The following CUL5 variants were observed in gnomAD, a reference collection of about 807,000 sequenced individuals.
CUL5 encodes cullin-5.
A neutral mutation model predicts 108.8 loss-of-function variants in CUL5; 26 were observed. The ratio of observed to expected loss-of-function variants is 0.24; its 90% confidence interval spans 0.18 to 0.33. The LOEUF is 0.33. Among genes scored for constraint, CUL5 ranks in the 10% least tolerant of loss-of-function variants. The probability of loss-of-function intolerance (pLI) is 1.00; values close to 1 mark genes in which losing one functional copy is unlikely to be tolerated. For missense variants in CUL5, 524 were observed against 909.2 expected (o/e 0.58, Z 5.45); for synonymous variants, 334 against 298.0 (o/e 1.12, Z -1.25).
chr11:108,024,504 GTGTT>G (rs1190664891), intron 1 of CUL5, among the ~76,000 whole-genome samples: 1 of 152,182 alleles, frequency 6.6e-6, no homozygotes, highest in Non-Finnish European at 1.5e-5. Flanking sequence ...TACTTGTAAA[GTGTT>G]TGGAACAGTA....
intron 4 of CUL5, among the ~76,000 whole-genome samples, chr11:108,050,794 TAACTC>T (rs1863197763): frequency 1.3e-5 from 2 of 152,346 alleles, no homozygotes; most frequent in Admixed American, 6.5e-5. Context: ...CCCTTTTACT[TAACTC>T]TTCTATTATA....
intron 11 of CUL5, among the ~76,000 whole-genome samples, chr11:108,087,365 A>C (rs1864243512): frequency 6.6e-6 from 1 of 152,258 alleles, no homozygotes; most frequent in South Asian, 2.1e-4. Flanking sequence ...AAATTTGGAT[A>C]GCTCAATCCT....
intron 7 of CUL5, among the ~76,000 whole-genome samples, chr11:108,062,594 C>T (rs1173889738): frequency 6.7e-6 from 1 of 149,862 alleles, no homozygotes; most frequent in African/African-American, 2.4e-5. Context: ...ATATTTTGTG[C>T]ATACATACAT....
chr11:108,054,419 A>C (rs957542751), intron 5 of CUL5, among the ~76,000 whole-genome samples: 1 of 152,210 alleles, frequency 6.6e-6, no homozygotes, highest in Admixed American at 6.5e-5. Context: ...TTTCTTACCT[A>C]TGCAAAAATA....
intron 7 of CUL5, among the ~76,000 whole-genome samples, chr11:108,067,882 A>G (rs1209984902): frequency 6.6e-6 from 1 of 152,196 alleles, no homozygotes; most frequent in Non-Finnish European, 1.5e-5. Flanking sequence ...TTGCAAGGAA[A>G]GAGTTTCTTA....
chr11:108,097,773 C>A lies in CUL5; in HGVS notation c.2024+19C>A. On this transcript the variant is annotated intron_variant, in intron 17 of 18. Transcript: ENST00000393094. ...GTTTAATGTAAGCTCGTTAGTTGAT[C>A]TAAAATAAAAACACCTTGTTTGAAT... The A allele has an allele frequency of 1.5e-6, 2 of 1,364,400 alleles. No individual in the cohort carries two copies. The highest frequency in any genetic ancestry group is 1.2e-5 in the South Asian group (1 of 81,348). 84.5% of individuals were successfully genotyped at this position (1,364,400 alleles called of 1,614,324 possible).
intron 11 of CUL5, among the ~76,000 whole-genome samples, chr11:108,085,192 T>A (rs943849616): frequency 5.3e-5 from 8 of 152,222 alleles, no homozygotes; most frequent in Admixed American, 2.6e-4. Context: ...TATCCATTAG[T>A]TGCATAGATA....
chr11:108,083,312 C>T (rs577092971), intron 11 of CUL5, among the ~76,000 whole-genome samples: 2 of 152,330 alleles, frequency 1.3e-5, no homozygotes, highest in East Asian at 1.9e-4. Flanking sequence ...TGGTCCTTTA[C>T]TGCTGCATTA....
chr11:108,066,902 A>T (rs538744267), intron 7 of CUL5, among the ~76,000 whole-genome samples: 29 of 152,324 alleles, frequency 1.9e-4, no homozygotes, highest in African/African-American at 7.0e-4. Context: ...ATGGGTTTCC[A>T]ACTGGATTGT....
rs756887400 is a variant in CUL5, at chr11:108,033,790, T to C, written c.25-12T>C. On this transcript the variant is annotated splice_polypyrimidine_tract_variant and intron_variant, in intron 1 of 18. Coordinates refer to ENST00000393094, the MANE Select transcript of CUL5 (RefSeq NM_003478.6). Reference sequence around the variant, plus strand: ...TTAAATTAAACTCCCTTTTATCTTTTTTTTTTTCAAGAATAAAGGTTCTCT... The same window carrying C: ...TTAAATTAAACTCCCTTTTATCTTTCTTTTTTTCAAGAATAAAGGTTCTCT... 20 of 1,511,624 alleles carry C rather than the reference T, an allele frequency of 1.3e-5. No homozygotes were observed. Among genetic ancestry groups the C allele is most frequent in the Non-Finnish European group, 1.8e-5 (20 of 1,106,252 alleles). 93.6% of individuals were successfully genotyped at this position (1,511,624 alleles called of 1,614,324 possible).
At chr11:108,055,614 A>AATAT (rs150760318) in intron 7 of CUL5, among the ~76,000 whole-genome samples, 5 of 144,580 alleles carry the variant, frequency 3.5e-5, no homozygotes, top group Non-Finnish European at 6.0e-5. Context: ...CTGACTAATA[A>AATAT]ATATATATAT....
chr11:108,105,013 G>A lies in CUL5; in HGVS notation c.*629G>A, dbSNP rs1489973297. 2.0e-5 allele frequency: 3 copies of A among 151,526 alleles called. No homozygotes were observed. Among genetic ancestry groups the A allele is most frequent in the South Asian group, 4.2e-4 (2 of 4,812 alleles). 9.4% of individuals were successfully genotyped at this position (151,526 alleles called of 1,614,324 possible). A position where few individuals can be genotyped will look rare whatever the true frequency, so the allele number is the denominator to read the frequency against. On this transcript the variant is annotated 3_prime_UTR_variant, in exon 19 of 19. Transcript: ENST00000393094. ...TATTAAATATTTTCAACTTTCAAATGTTGGTTTTCTTTAAGCAGGAGACTG... is the reference window on the plus strand; with the variant it reads ...TATTAAATATTTTCAACTTTCAAATATTGGTTTTCTTTAAGCAGGAGACTG...
chr11:108,100,427 CA>C lies in CUL5; in HGVS notation c.2148+1899del, dbSNP rs1436311712. On this transcript the variant is annotated intron_variant, in intron 18 of 18. Coordinates refer to ENST00000393094, the MANE Select transcript of CUL5 (RefSeq NM_003478.6). ...CTGTGGTGGCGCATGCCTGTAATCC[CA>C]GCTACTTGGGGGTGCTGAGGCAGGA... is the stretch of plus-strand genomic sequence containing the variant. Among the ~76,000 whole-genome samples the C allele has an allele frequency of 5.9e-5, 9 of 152,214 alleles. No individual in the cohort carries two copies. In the East Asian group the frequency reaches 1.7e-3, roughly 29 times the overall value.
intron 7 of CUL5, among the ~76,000 whole-genome samples, chr11:108,068,675 TACTTA>T (rs1863750994): frequency 6.6e-6 from 1 of 152,352 alleles, no homozygotes; most frequent in South Asian, 2.1e-4. Flanking sequence ...AGCCTTATTG[TACTTA>T]ACTTTAGTCC....
chr11:108,085,769 G>A (rs1351647815), intron 11 of CUL5, among the ~76,000 whole-genome samples: 1 of 152,136 alleles, frequency 6.6e-6, no homozygotes, highest in African/African-American at 2.4e-5. Flanking sequence ...ACTAGATGTT[G>A]CCCAGGCCTG....
At chr11:108,070,992 A>G (rs573512526) in intron 8 of CUL5, among the ~76,000 whole-genome samples, 104 of 152,340 alleles carry the variant, frequency 6.8e-4, no homozygotes, top group Admixed American at 1.8e-3. Context: ...CACTCTTTTC[A>G]AAAGGATTTA....
At chr11:108,037,306 G>A (rs1862771820) in intron 2 of CUL5, among the ~76,000 whole-genome samples, 1 of 152,142 alleles carries the variant, frequency 6.6e-6, no homozygotes, top group African/African-American at 2.4e-5. Flanking sequence ...TTCATACTGT[G>A]AATGATTTTA....
Position 108,078,442 on chromosome 11 carries a change from G to GT in CUL5, c.1178+203dup, listed in dbSNP as rs1169062683. 2.7e-5 allele frequency among the ~76,000 whole-genome samples: 4 copies of GT among 149,692 alleles called. No homozygotes were observed. In the East Asian group the frequency reaches 5.8e-4, roughly 22 times the overall value. ...ACAAAAATTGACTTTATTTTTTCAGGTAAAAAAAAAATATTCCTAATCTTT... is the reference window on the plus strand; with the variant it reads ...ACAAAAATTGACTTTATTTTTTCAGGTTAAAAAAAAAATATTCCTAATCTTT... On this transcript the variant is annotated intron_variant, in intron 11 of 18. Coordinates refer to ENST00000393094, the MANE Select transcript of CUL5 (RefSeq NM_003478.6).
Position 108,106,497 on chromosome 11 carries a change from T to G in CUL5, c.*2113T>G, listed in dbSNP as rs2135262208. 6.6e-6 allele frequency: 1 copy of G among 152,176 alleles called. No homozygotes were observed. Among genetic ancestry groups the G allele is most frequent in the South Asian group, 2.1e-4 (1 of 4,826 alleles). 9.4% of individuals were successfully genotyped at this position (152,176 alleles called of 1,614,324 possible). A position where few individuals can be genotyped will look rare whatever the true frequency, so the allele number is the denominator to read the frequency against. ...AGCCAATTATGTCCTAATTGTATTTTGGGGAATGAACAGCAGCAAATACTG... is the reference window on the plus strand; with the variant it reads ...AGCCAATTATGTCCTAATTGTATTTGGGGGAATGAACAGCAGCAAATACTG... On this transcript the variant is annotated 3_prime_UTR_variant, in exon 19 of 19. Coordinates refer to ENST00000393094, the MANE Select transcript of CUL5 (RefSeq NM_003478.6).
Sources: gnomAD v4.1 joint callset for allele counts (sites outside exome capture counted in the v4.1 genomes callset) on GRCh38, gnomAD v4.1.1 for gene constraint, MANE v1.5 for transcripts, NCBI Gene and HGNC (gene_info 2026-07-23, HGNC 2026-07-21) for gene names.